Variants in UBLCP1 observed in about 807,000 individuals in gnomAD.
UBLCP1 encodes ubiquitin like domain containing CTD phosphatase 1, also known as ubiquitin-like domain-containing CTD phosphatase 1.
In UBLCP1, 28 loss-of-function variants were observed where a neutral mutation model predicts 42.4. That is an observed-to-expected ratio of 0.66 (90% confidence interval 0.49 to 0.90). The LOEUF (loss-of-function observed/expected upper bound fraction) is 0.90, where lower values mean the gene tolerates loss of function less well. UBLCP1 is among the 40% of genes least tolerant of loss of function. UBLCP1 has a pLI of 0.00. For synonymous variants in UBLCP1, 122 were observed against 120.8 expected (o/e 1.01, Z -0.07); for missense variants, 279 against 374.5 (o/e 0.75, Z 2.10).
intron 8 of UBLCP1, among the ~76,000 whole-genome samples, chr5:159,277,407 A>C (rs763326907): frequency 2.0e-5 from 3 of 152,132 alleles, no homozygotes; most frequent in Non-Finnish European, 2.9e-5. Context: ...TTATTATTAC[A>C]TTCTGTTCTC....
Position 159,275,170 on chromosome 5 carries a change from C to A in UBLCP1, c.608C>A (p.Ala203Glu). 6.2e-7 allele frequency: 1 copy of A among 1,613,150 alleles called. No homozygotes were observed. The highest frequency in any genetic ancestry group is 8.5e-7 in the Non-Finnish European group (1 of 1,179,736). ...TAGGAGCTGGGAGTGAGCACAAATG[C>A]AAATTATAAGATTACTTTCATGTTG... The part of the protein sequence containing the change: ...KMKELGVSTN[A>E]NYKITFMLDS... The change falls in exon 8 of 11, where the codon GCA becomes GAA. Residue 203 changes from alanine (A) to glutamate (E), a missense_variant. Coordinates refer to ENST00000296786, the MANE Select transcript of UBLCP1 (RefSeq NM_145049.5).
chr5:159,274,328 G>T, intron 6 of UBLCP1: 1 of 324,132 alleles, frequency 3.1e-6, no homozygotes. Context: ...AATTTCCTAG[G>T]TTCAGAGTTC....
At chr5:159,280,569 C>G (rs1345866855) in intron 9 of UBLCP1, among the ~76,000 whole-genome samples, 1 of 152,174 alleles carries the variant, frequency 6.6e-6, no homozygotes. Context: ...TCTCAAAGTG[C>G]AGGATTACAG....
chr5:159,267,230 C>G (rs1158513412), intron 1 of UBLCP1, among the ~76,000 whole-genome samples: 1 of 152,230 alleles, frequency 6.6e-6, no homozygotes, highest in East Asian at 1.9e-4. Flanking sequence ...GAACCCACCT[C>G]TTGCATCAGT....
intron 8 of UBLCP1, among the ~76,000 whole-genome samples, chr5:159,276,331 G>A (rs1753535257): frequency 6.6e-6 from 1 of 152,064 alleles, no homozygotes; most frequent in South Asian, 2.1e-4. Flanking sequence ...AATAGGAATT[G>A]AGGAGAACTT....
At chr5:159,282,681 C>T (rs141919155) in intron 9 of UBLCP1, among the ~76,000 whole-genome samples, 46 of 151,696 alleles carry the variant, frequency 3.0e-4, no homozygotes, top group African/African-American at 8.0e-4. Context: ...ATGATTTTAA[C>T]AGAGAATTTA....
intron 9 of UBLCP1, among the ~76,000 whole-genome samples, chr5:159,278,731 C>T (rs183273937): frequency 6.6e-6 from 1 of 152,192 alleles, no homozygotes; most frequent in African/African-American, 2.4e-5. Context: ...CACCACCACA[C>T]CCAGCTAATT....
In UBLCP1 at chr5:159,283,307, CTT is replaced by C; in HGVS notation, c.901_902del (p.Leu301GlyfsTer27). 6.3e-7 allele frequency: 1 copy of C among 1,598,418 alleles called. No homozygotes were observed. Among genetic ancestry groups the C allele is most frequent in the Non-Finnish European group, 8.5e-7 (1 of 1,174,172 alleles). On this transcript the variant is annotated frameshift_variant, in exon 10 of 11. Transcript: ENST00000296786. LOFTEE classifies it high-confidence loss of function. Reference sequence around the variant, plus strand: ...TCAAGGAGATAGCAAAATTAGATGACTTTTTGGATCTAAATCACAAATATTGG... The same window carrying C: ...TCAAGGAGATAGCAAAATTAGATGACTTTGGATCTAAATCACAAATATTGG... ...YLKEIAKLDD[F>X]LDLNHKYWER...
At chr5:159,273,085 T>C (rs146141428) in intron 6 of UBLCP1, among the ~76,000 whole-genome samples, 224 of 152,350 alleles carry the variant, frequency 1.5e-3, no homozygotes, top group African/African-American at 5.2e-3. Flanking sequence ...TCATTTTGTA[T>C]TTTTCCTTAT....
At chr5:159,266,596 G>A (rs576374507) in intron 1 of UBLCP1, among the ~76,000 whole-genome samples, 3 of 152,316 alleles carry the variant, frequency 2.0e-5, no homozygotes, top group East Asian at 1.9e-4. Flanking sequence ...CCCCTAGACC[G>A]TGGGGAAAAT....
intron 8 of UBLCP1, among the ~76,000 whole-genome samples, chr5:159,275,884 C>G (rs141354195): frequency 2.1e-4 from 32 of 152,052 alleles, no homozygotes; most frequent in African/African-American, 3.4e-4. Flanking sequence ...TAGAAACAAG[C>G]GAAAACACTC....
Position 159,272,132 on chromosome 5 carries a change from T to C in UBLCP1, c.547+11T>C, listed in dbSNP as rs768117161. 6 of 1,604,576 alleles carry C rather than the reference T, an allele frequency of 3.7e-6. No homozygotes were observed. The highest frequency in any genetic ancestry group is 5.1e-6 in the Non-Finnish European group (6 of 1,172,884). On this transcript the variant is annotated intron_variant, in intron 6 of 10. Transcript: ENST00000296786. ...ACATTGTTATTTGGTGTAAGCTGTA[T>C]TTTTTTGTTTAGATTTCCGTGGAAA...
chr5:159,280,080 G>A (rs1753590530), intron 9 of UBLCP1, among the ~76,000 whole-genome samples: 1 of 152,100 alleles, frequency 6.6e-6, no homozygotes, highest in Non-Finnish European at 1.5e-5. Flanking sequence ...ACTGTACTCA[G>A]TAGACCCACT....
chr5:159,277,361 A>G (rs143704596), intron 8 of UBLCP1, among the ~76,000 whole-genome samples: 2 of 152,314 alleles, frequency 1.3e-5, no homozygotes, highest in Admixed American at 6.5e-5. Flanking sequence ...TACAACTTTT[A>G]TCACTATTTA....
At chr5:159,268,363 G>A (rs931822012) in intron 1 of UBLCP1, among the ~76,000 whole-genome samples, 1 of 152,194 alleles carries the variant, frequency 6.6e-6, no homozygotes, top group African/African-American at 2.4e-5. Context: ...GCCCTAAGAA[G>A]TAGGTAGTAT....
intron 9 of UBLCP1, among the ~76,000 whole-genome samples, chr5:159,281,559 C>T (rs1753607001): frequency 6.6e-6 from 1 of 152,194 alleles, no homozygotes; most frequent in Admixed American, 6.5e-5. Context: ...TTTGACAGCT[C>T]TTGACTGGTG....
chr5:159,269,859 A>G (rs1449485004), intron 2 of UBLCP1, 49 bp from the exon 3 acceptor site: 2 of 1,445,510 alleles, frequency 1.4e-6, no homozygotes, highest in Non-Finnish European at 1.9e-6. Flanking sequence ...GAATAGTGAA[A>G]CCAGCACCTG....
At chr5:159,275,063 A>T (rs1418859937) in intron 7 of UBLCP1, 85 bp from the exon 8 acceptor site, 19 of 1,169,166 alleles carry the variant, frequency 1.6e-5, no homozygotes, top group Non-Finnish European at 2.1e-5. Context: ...AGTTGGCATT[A>T]TGAGAAATTG....
At chr5:159,264,638 C>T (rs796338448) in intron 1 of UBLCP1, among the ~76,000 whole-genome samples, 9 of 152,236 alleles carry the variant, frequency 5.9e-5, no homozygotes, top group African/African-American at 2.2e-4. Context: ...AGGCTGAAAA[C>T]ATTGAAGAGC....
Sources: allele counts gnomAD v4.1 joint callset (sites outside exome capture counted in the v4.1 genomes callset), GRCh38; gene constraint gnomAD v4.1.1; transcripts MANE v1.5; gene names NCBI Gene and HGNC (gene_info 2026-07-23, HGNC 2026-07-21).